Variants in ASIC2 observed in about 807,000 individuals in gnomAD.
ASIC2 encodes the protein acid sensing ion channel subunit 2, also known as acid-sensing ion channel 2.
Under a neutral mutation model 57.3 loss-of-function variants are expected in ASIC2, and 25 were observed. The observed-to-expected ratio is 0.44, with a 90% confidence interval of 0.32 to 0.61. ASIC2 has a LOEUF of 0.61. Among genes scored for constraint, ASIC2 ranks in the 20% least tolerant of loss-of-function variants. The pLI is 0.06. For synonymous variants in ASIC2, 319 were observed against 307.5 expected (o/e 1.04, Z -0.39); for missense variants, 641 against 738.1 (o/e 0.87, Z 1.52).
intron 1 of ASIC2, among the ~76,000 whole-genome samples, chr17:33,179,551 T>C (rs1303023151): frequency 6.6e-6 from 1 of 152,210 alleles, no homozygotes; most frequent in Non-Finnish European, 1.5e-5. Context: ...GTTTTGGGAC[T>C]CTTTCTAGTA....
chr17:33,979,064 CCT>C (rs1342336913), intron 1 of ASIC2, among the ~76,000 whole-genome samples: 1 of 152,130 alleles, frequency 6.6e-6, no homozygotes, highest in Non-Finnish European at 1.5e-5. Context: ...GGTTCCAGGG[CCT>C]TGGTCCCTCC....
intron 1 of ASIC2, among the ~76,000 whole-genome samples, chr17:33,330,560 T>G (rs1314240378): frequency 6.6e-6 from 1 of 152,186 alleles, no homozygotes; most frequent in Non-Finnish European, 1.5e-5. Context: ...ATCACATTAT[T>G]GGACCAGACC....
chr17:34,126,905 G>A (rs1040995121), intron 1 of ASIC2, among the ~76,000 whole-genome samples: 9 of 152,104 alleles, frequency 5.9e-5, no homozygotes, highest in Non-Finnish European at 7.4e-5. Flanking sequence ...TGAGTAGCCC[G>A]GGCACGTCCC....
intron 1 of ASIC2, among the ~76,000 whole-genome samples, chr17:34,040,048 G>C (rs2142044762): frequency 6.7e-6 from 1 of 148,616 alleles, no homozygotes; most frequent in Non-Finnish European, 1.5e-5. Context: ...GGCTCCACGA[G>C]AGGGCGGGCG....
At chr17:34,099,742 GAAAGAAA>G (rs1910771249) in intron 1 of ASIC2, among the ~76,000 whole-genome samples, 1 of 856 alleles carries the variant, frequency 1.2e-3, no homozygotes, top group East Asian at 0.013. Flanking sequence ...AGGAAAGAAA[GAAAGAAA>G]GAAAGAAAGA....
At chr17:34,035,541 T>C (rs1907839075) in intron 1 of ASIC2, among the ~76,000 whole-genome samples, 1 of 151,478 alleles carries the variant, frequency 6.6e-6, no homozygotes, top group African/African-American at 2.4e-5. Flanking sequence ...TGGGATCTAA[T>C]TAAACTAAAG....
intron 1 of ASIC2, among the ~76,000 whole-genome samples, chr17:34,097,533 G>C (rs897436525): frequency 6.6e-6 from 1 of 152,200 alleles, no homozygotes; most frequent in Non-Finnish European, 1.5e-5. Flanking sequence ...GGTCACACTG[G>C]AGTAGGATGG....
chr17:33,370,910 T>A (rs1909033866), intron 1 of ASIC2, among the ~76,000 whole-genome samples: 1 of 152,136 alleles, frequency 6.6e-6, no homozygotes, highest in Non-Finnish European at 1.5e-5. Context: ...CGAAAGCAAG[T>A]TTATTAAGAA....
rs200670902 is a variant in ASIC2, at chr17:33,949,544, TTTC to T, written c.555+206431_555+206433del. ...TCTATGCTGCTTTGGATGTCTATGA[TTTC>T]TTATTTTATTCCAAGGAATCAAAAG... is the stretch of plus-strand genomic sequence containing the variant. On this transcript the variant is annotated intron_variant, in intron 1 of 9. Transcript: ENST00000359872. 6.2e-3 allele frequency among the ~76,000 whole-genome samples: 945 copies of T among 152,376 alleles called. 11 individuals carry two copies. The highest frequency in any genetic ancestry group is 0.051 in the Middle Eastern group (15 of 294).
chr17:33,642,214 C>A (rs996005008), intron 1 of ASIC2, among the ~76,000 whole-genome samples: 1 of 150,394 alleles, frequency 6.6e-6, no homozygotes, highest in Non-Finnish European at 1.5e-5. Context: ...GACACCCCCC[C>A]CCCCCCCACA....
intron 1 of ASIC2, among the ~76,000 whole-genome samples, chr17:33,631,671 T>C (rs188852591): frequency 2.0e-5 from 3 of 152,050 alleles, no homozygotes; most frequent in Admixed American, 1.3e-4. Context: ...GGGGGTGGTA[T>C]AGCATCCATA....
intron 1 of ASIC2, among the ~76,000 whole-genome samples, chr17:33,672,222 T>G (rs908511785): frequency 6.6e-6 from 1 of 152,156 alleles, no homozygotes; most frequent in African/African-American, 2.4e-5. Context: ...CTTTTCCCAT[T>G]TGAGCAACTT....
chr17:33,934,858 T>C (rs1393482938), intron 1 of ASIC2, among the ~76,000 whole-genome samples: 2 of 152,192 alleles, frequency 1.3e-5, no homozygotes, highest in African/African-American at 2.4e-5. Context: ...CCCTCAAGCT[T>C]TCCAGCTCCT....
At chr17:33,612,234 A>G (rs1488344496) in intron 1 of ASIC2, among the ~76,000 whole-genome samples, 5 of 152,212 alleles carry the variant, frequency 3.3e-5, no homozygotes, top group Non-Finnish European at 7.3e-5. Context: ...ACACACTAAA[A>G]ATAATGTTTG....
chr17:33,343,659 G>A (rs1258248342), intron 1 of ASIC2, among the ~76,000 whole-genome samples: 1 of 152,186 alleles, frequency 6.6e-6, no homozygotes, highest in African/African-American at 2.4e-5. Flanking sequence ...GTACATGAGA[G>A]ACTTTCAGCC....
At chr17:33,760,174 T>C (rs1343690148) in intron 1 of ASIC2, among the ~76,000 whole-genome samples, 8 of 150,396 alleles carry the variant, frequency 5.3e-5, no homozygotes, top group African/African-American at 1.2e-4. Context: ...CAAAAAAAAA[T>C]GGACTTATTT....
chr17:33,837,218 A>C (rs547282094), intron 1 of ASIC2, among the ~76,000 whole-genome samples: 150 of 152,306 alleles, frequency 9.8e-4, no homozygotes, highest in African/African-American at 3.6e-3. Context: ...TGCTGCCCAG[A>C]TCCCAAACTC....
At chr17:33,603,574 A>C (rs116417164) in intron 1 of ASIC2, among the ~76,000 whole-genome samples, 2,241 of 152,282 alleles carry the variant, frequency 0.015, 44 homozygotes, top group African/African-American at 0.05. Flanking sequence ...AAGTGAGGAC[A>C]TGAGGCCACT....
chr17:33,081,066 T>G (rs1032074163), intron 3 of ASIC2, among the ~76,000 whole-genome samples: 3 of 152,188 alleles, frequency 2.0e-5, no homozygotes, highest in Non-Finnish European at 4.4e-5. Context: ...TAATTTTATC[T>G]CCTCCTAAGA....
Sources: gnomAD v4.1 joint callset for allele counts (sites outside exome capture counted in the v4.1 genomes callset) on GRCh38, gnomAD v4.1.1 for gene constraint, MANE v1.5 for transcripts, NCBI Gene and HGNC (gene_info 2026-07-23, HGNC 2026-07-21) for gene names.